AADACL4: variants seen among roughly 807,000 people sequenced by gnomAD.
AADACL4 encodes arylacetamide deacetylase like 4.
In AADACL4, 9 loss-of-function variants were observed where a neutral mutation model predicts 14.1. That is an observed-to-expected ratio of 0.64 (90% CI 0.39 to 1.12). The LOEUF (loss-of-function observed/expected upper bound fraction) is 1.12, where lower values mean the gene tolerates loss of function less well. AADACL4 is among the 50% of genes most tolerant of loss of function. The probability of loss-of-function intolerance (pLI) is 0.01; values close to 1 mark genes in which losing one functional copy is unlikely to be tolerated. For synonymous variants in AADACL4, 188 were observed against 201.6 expected (o/e 0.93, Z 0.57); for missense variants, 531 against 516.1 (o/e 1.03, Z -0.28).
chr1:12,664,114 AAAG>A (rs1232641094), intron 3 of AADACL4, among the ~76,000 whole-genome samples: 8 of 152,108 alleles, frequency 5.3e-5, no homozygotes, highest in Non-Finnish European at 1.0e-4. Context: ...TATGGAGGTC[AAAG>A]AAGAAGAAGA....
At position 12,665,965 on chromosome 1, in the gene AADACL4, C is replaced by T. The variant is rs139404365; in HGVS notation, c.454C>T (p.Arg152Cys). 9.7e-5 allele frequency: 156 copies of T among 1,602,446 alleles called. No homozygotes were observed. The African/African-American group carries it at 1.6e-3, about 17-fold the overall frequency. The part of the protein sequence containing the change: ...TESVLLMIGY[R>C]KLPDHHSPAL... ...TGCTCCCTGTTTTCGTTTTAGGTACCGCAAGCTTCCTGACCACCATTCCCC... is the reference window on the plus strand; with the variant it reads ...TGCTCCCTGTTTTCGTTTTAGGTACTGCAAGCTTCCTGACCACCATTCCCC... Residue 152 changes from arginine (R) to cysteine (C), a missense_variant, in exon 4 of 4, where the codon CGC (arginine) becomes TGC (cysteine). Physicochemically the swap from Arg to Cys is radical, Grantham distance 180. Coordinates refer to ENST00000376221, the MANE Select transcript of AADACL4 (RefSeq NM_001013630.2).
In AADACL4 at chr1:12,644,213, A is replaced by G. The variant is rs75438317; in HGVS notation, c.-334A>G. On this transcript the variant is annotated 5_prime_UTR_variant, in exon 1 of 4. The change creates a new upstream start codon in the 5' untranslated region. Transcript: ENST00000376221. The stretch of plus-strand genomic sequence containing the variant: ...GGCCCTGGAGGCCTATATAACCCAT[A>G]TGAGATCTCTTTCTAGGGTTCCCAG... 2.7e-3 allele frequency among the ~76,000 whole-genome samples: 413 copies of G among 152,258 alleles called. No individual in the cohort carries two copies. The highest frequency in any genetic ancestry group is 0.024 in the Middle Eastern group (7 of 294).
At chr1:12,656,913 G>A (rs1341354585) in intron 2 of AADACL4, among the ~76,000 whole-genome samples, 1 of 152,118 alleles carries the variant, frequency 6.6e-6, no homozygotes, top group East Asian at 1.9e-4. Context: ...GGTTGAGGCA[G>A]GTGGACTGCT....
intron 2 of AADACL4, among the ~76,000 whole-genome samples, chr1:12,652,998 C>T (rs1335934747): frequency 6.6e-6 from 1 of 152,194 alleles, no homozygotes; most frequent in African/African-American, 2.4e-5. Context: ...TGTGTAATTC[C>T]TATCTCATTT....
intron 2 of AADACL4, among the ~76,000 whole-genome samples, chr1:12,659,050 T>G (rs1487326214): frequency 6.6e-6 from 1 of 152,152 alleles, no homozygotes; most frequent in African/African-American, 2.4e-5. Context: ...AATGAACAAA[T>G]GGATATGGAT....
intron 1 of AADACL4, among the ~76,000 whole-genome samples, chr1:12,650,668 G>A (rs1030314985): frequency 1.8e-4 from 27 of 152,094 alleles, no homozygotes; most frequent in Admixed American, 4.6e-4. Context: ...GAGTAGCTGG[G>A]ACTACAGGCG....
chr1:12,647,659 C>CTT (rs113499990), intron 1 of AADACL4, among the ~76,000 whole-genome samples: 2 of 144,030 alleles, frequency 1.4e-5, no homozygotes, highest in Non-Finnish European at 3.1e-5. Flanking sequence ...TTCTTTCTTT[C>CTT]TTTTTTTTTT....
intron 2 of AADACL4, among the ~76,000 whole-genome samples, chr1:12,658,097 TTC>T (rs747258829): frequency 8.4e-5 from 11 of 130,320 alleles, no homozygotes; most frequent in South Asian, 2.6e-4. Flanking sequence ...TTCTCTTTCT[TTC>T]TCTCTTTCTT....
At chr1:12,653,500 T>A (rs1329083033) in intron 2 of AADACL4, among the ~76,000 whole-genome samples, 1 of 152,246 alleles carries the variant, frequency 6.6e-6, no homozygotes, top group African/African-American at 2.4e-5. Flanking sequence ...GGTAAAACTT[T>A]GAACATGCAG....
chr1:12,658,135 C>CCTTCCTTCCTTCCTTCCTTCCTTT (rs1557550855), intron 2 of AADACL4, among the ~76,000 whole-genome samples: 1 of 87,296 alleles, frequency 1.1e-5, no homozygotes, highest in African/African-American at 6.5e-5. Context: ...TTCCTTCCTT[C>CCTTCCTTCCTTCCTTCCTTCCTTT]CTTCCTTTCT....
intron 2 of AADACL4, among the ~76,000 whole-genome samples, chr1:12,653,221 C>T (rs1339444909): frequency 1.3e-5 from 2 of 152,338 alleles, no homozygotes; most frequent in South Asian, 2.1e-4. Flanking sequence ...CAGGGCCATC[C>T]TTTTGACATG....
intron 2 of AADACL4, among the ~76,000 whole-genome samples, chr1:12,655,237 A>C (rs2100762972): frequency 6.6e-6 from 1 of 152,282 alleles, no homozygotes; most frequent in African/African-American, 2.4e-5. Context: ...CACCTGTGAC[A>C]CTGTAGTTTT....
At chr1:12,648,010 G>A (rs1006951209) in intron 1 of AADACL4, among the ~76,000 whole-genome samples, 28 of 152,124 alleles carry the variant, frequency 1.8e-4, no homozygotes, top group African/African-American at 6.8e-4. Context: ...CTGTCACCCA[G>A]GCTGGAGTGC....
chr1:12,648,974 T>C (rs573565371), intron 1 of AADACL4, among the ~76,000 whole-genome samples: 8 of 152,320 alleles, frequency 5.3e-5, no homozygotes, highest in African/African-American at 1.9e-4. Flanking sequence ...AAACGTTTCC[T>C]GTTCTAGATG....
intron 2 of AADACL4, among the ~76,000 whole-genome samples, chr1:12,655,004 C>T (rs1468700393): frequency 6.6e-6 from 1 of 152,152 alleles, no homozygotes; most frequent in Non-Finnish European, 1.5e-5. Context: ...CTGTAAACGG[C>T]TCGGACACTC....
At chr1:12,646,250 C>T (rs1295517518) in intron 1 of AADACL4, among the ~76,000 whole-genome samples, 1 of 152,154 alleles carries the variant, frequency 6.6e-6, no homozygotes, top group African/African-American at 2.4e-5. Context: ...AGTGTGTGTC[C>T]CAGCTCTGTC....
intron 1 of AADACL4, 102 bp downstream of exon 1, chr1:12,644,816 C>A: frequency 7.8e-7 from 1 of 1,276,738 alleles, no homozygotes; most frequent in Non-Finnish European, 1.1e-6. Context: ...GTCTCTCTCT[C>A]TTCGGACTCC....
At chr1:12,664,556 G>A (rs1204655276) in intron 3 of AADACL4, among the ~76,000 whole-genome samples, 1 of 151,928 alleles carries the variant, frequency 6.6e-6, no homozygotes, top group African/African-American at 2.4e-5. Flanking sequence ...TAGTAGAGAT[G>A]GGGTTTCACC....
At chr1:12,645,273 T>C (rs79809323) in intron 1 of AADACL4, among the ~76,000 whole-genome samples, 2,747 of 90,556 alleles carry the variant, frequency 0.03, 42 homozygotes, top group African/African-American at 0.06. Flanking sequence ...CTCCCTCCCT[T>C]CCTTCCTTGT....
Sources: allele counts gnomAD v4.1 joint callset (sites outside exome capture counted in the v4.1 genomes callset), GRCh38; gene constraint gnomAD v4.1.1; transcripts MANE v1.5; gene names NCBI Gene and HGNC (gene_info 2026-07-23, HGNC 2026-07-21).